GPR158: variants seen among roughly 807,000 people sequenced by gnomAD.
The protein encoded by GPR158 is G protein-coupled receptor 158.
Under a neutral mutation model 78.2 loss-of-function variants are expected in GPR158, and 30 were observed. That is an observed-to-expected ratio of 0.38 (90% CI 0.29 to 0.52). The LOEUF is 0.52. Among genes scored for constraint, GPR158 ranks in the 20% least tolerant of loss-of-function variants. The probability of loss-of-function intolerance (pLI) is 0.83; values close to 1 mark genes in which losing one functional copy is unlikely to be tolerated. For missense variants in GPR158, 1,463 were observed against 1,523.5 expected (o/e 0.96, Z 0.66); for synonymous variants, 581 against 591.1 (o/e 0.98, Z 0.25).
chr10:25,277,646 T>G (rs1370432778), intron 2 of GPR158, among the ~76,000 whole-genome samples: 4 of 152,168 alleles, frequency 2.6e-5, no homozygotes, highest in Non-Finnish European at 5.9e-5. Context: ...GTTTGTCATG[T>G]GAATTAATGG....
chr10:25,501,908 T>C (rs1835949381), intron 5 of GPR158, among the ~76,000 whole-genome samples: 1 of 152,130 alleles, frequency 6.6e-6, no homozygotes, highest in Non-Finnish European at 1.5e-5. Flanking sequence ...CTTTCTCATC[T>C]CCTCACACTG....
At chr10:25,576,080 G>A (rs1274488856) in intron 7 of GPR158, among the ~76,000 whole-genome samples, 1 of 151,610 alleles carries the variant, frequency 6.6e-6, no homozygotes, top group East Asian at 1.9e-4. Flanking sequence ...AGTAGCTTTT[G>A]GGGTACAGGT....
intron 1 of GPR158, among the ~76,000 whole-genome samples, chr10:25,200,874 T>TG (rs1240257327): frequency 2.7e-5 from 4 of 150,408 alleles, no homozygotes; most frequent in East Asian, 1.9e-4. Flanking sequence ...TTTTGTTTTT[T>TG]TTTTTTTTTT....
chr10:25,323,708 G>A (rs533872895), intron 2 of GPR158, among the ~76,000 whole-genome samples: 3 of 150,208 alleles, frequency 2.0e-5, no homozygotes, highest in South Asian at 4.2e-4. Flanking sequence ...TATAGAGACA[G>A]GTTCTTTCTA....
chr10:25,265,609 T>C (rs1004960761), intron 2 of GPR158, among the ~76,000 whole-genome samples: 1 of 152,190 alleles, frequency 6.6e-6, no homozygotes, highest in African/African-American at 2.4e-5. Context: ...CATTCTTCAT[T>C]GATCTATTAG....
intron 2 of GPR158, among the ~76,000 whole-genome samples, chr10:25,303,582 A>G (rs1468764181): frequency 6.6e-6 from 1 of 152,250 alleles, no homozygotes; most frequent in Non-Finnish European, 1.5e-5. Flanking sequence ...CAAACCGTTA[A>G]TAAGTTAATA....
At position 25,459,079 on chromosome 10, in the gene GPR158, G is replaced by A. The variant is rs181601347; in HGVS notation, c.1336-7572G>A. On this transcript the variant is annotated intron_variant, in intron 4 of 10. Transcript: ENST00000376351. ...TTATGTAATTGTTAATAAAATTATT[G>A]AAAGATAGTGTCCTCATACCTCTCA... 3.9e-3 allele frequency among the ~76,000 whole-genome samples: 600 copies of A among 152,090 alleles called. 1 individual carries two copies. The highest frequency in any genetic ancestry group is 5.9e-3 in the Non-Finnish European group (398 of 67,956).
intron 7 of GPR158, among the ~76,000 whole-genome samples, chr10:25,577,660 AT>A: frequency 6.6e-6 from 1 of 152,276 alleles, no homozygotes; most frequent in African/African-American, 2.4e-5. Flanking sequence ...CAGATAGATG[AT>A]TTTCCTAACA....
intron 7 of GPR158, among the ~76,000 whole-genome samples, chr10:25,576,399 G>C (rs918979366): frequency 6.6e-6 from 1 of 152,108 alleles, no homozygotes; most frequent in Non-Finnish European, 1.5e-5. Flanking sequence ...AACATAGACT[G>C]TTTTCATTGT....
chr10:25,387,371 G>T (rs1401916995), intron 2 of GPR158, among the ~76,000 whole-genome samples: 2 of 152,138 alleles, frequency 1.3e-5, no homozygotes, highest in Non-Finnish European at 2.9e-5. Context: ...TGAATTTCTG[G>T]TGAATTTGGT....
chr10:25,422,950 A>G (rs1034377618), intron 4 of GPR158, among the ~76,000 whole-genome samples: 10 of 149,474 alleles, frequency 6.7e-5, no homozygotes, highest in Non-Finnish European at 1.2e-4. Context: ...GAGAACATAC[A>G]ATGTTTGGTT....
rs781030971 is a variant in GPR158, at chr10:25,175,433, G to A, written c.13G>A (p.Ala5Thr). Reference protein sequence around the residue: MGAMAYPLLLCLLLA... With the variant: MGAMTYPLLLCLLLA... ...CTCTGGGAGGCAGATGGGAGCCATG[G>A]CTTACCCCTTACTCCTCTGCCTCCT... Residue 5 changes from alanine to threonine, a missense_variant, in exon 1 of 11, where the codon GCT becomes ACT. Physicochemically the swap from Ala to Thr is moderately conservative, Grantham distance 58. Transcript: ENST00000376351. This position sits in a 1 kb window ranked among gnomAD's most constrained non-coding sequence, Gnocchi z 6.4. 2.0e-5 allele frequency: 32 copies of A among 1,563,802 alleles called. No homozygotes were observed. The highest frequency in any genetic ancestry group is 2.6e-5 in the Non-Finnish European group (30 of 1,154,478).
chr10:25,597,774 C>T lies in GPR158; in HGVS notation c.2148C>T (p.Asp716=), dbSNP rs558378063. ...EHSLDPEDIR[D]ELKKLYAQLE... is the part of the protein sequence containing the mutation. ...TGAATTTGCTTTTGTTCTGGCAGGACGAGCTGAAAAAACTCTATGCCCAAC... is the reference window on the plus strand; with the variant it reads ...TGAATTTGCTTTTGTTCTGGCAGGATGAGCTGAAAAAACTCTATGCCCAAC... The change falls in exon 11 of 11, where the codon GAC becomes GAT. Residue 716 remains aspartate (D), a splice_region_variant and synonymous_variant. Transcript: ENST00000376351. 1.7e-5 allele frequency: 25 copies of T among 1,497,752 alleles called. No homozygotes were observed. Among genetic ancestry groups the T allele is most frequent in the African/African-American group, 4.2e-5 (3 of 71,482 alleles). 92.8% of individuals were successfully genotyped at this position (1,497,752 alleles called of 1,614,324 possible). A position where few individuals can be genotyped will look rare whatever the true frequency, so the allele number is the denominator to read the frequency against.
intron 1 of GPR158, among the ~76,000 whole-genome samples, chr10:25,183,676 A>G (rs1019182763): frequency 6.6e-6 from 1 of 152,196 alleles, no homozygotes; most frequent in Non-Finnish European, 1.5e-5. Flanking sequence ...ACAATGTAGG[A>G]TTTTTAAAAA....
chr10:25,565,778 G>A (rs748063999), intron 6 of GPR158, among the ~76,000 whole-genome samples: 15 of 152,140 alleles, frequency 9.9e-5, no homozygotes, highest in Non-Finnish European at 1.8e-4. Context: ...GCCTAGCCAC[G>A]CCAAAGAACT....
intron 4 of GPR158, among the ~76,000 whole-genome samples, chr10:25,450,274 CA>C (rs1835196469): frequency 6.6e-6 from 1 of 151,844 alleles, no homozygotes; most frequent in Non-Finnish European, 1.5e-5. Context: ...CCTAGTGAGC[CA>C]TGGGGGACCC....
At position 25,175,725 on chromosome 10, in the gene GPR158, G is replaced by A. The variant is rs1310189833; in HGVS notation, c.305G>A (p.Arg102His). 2.5e-6 allele frequency: 4 copies of A among 1,611,556 alleles called. No individual in the cohort carries two copies. The Admixed American group carries it at 5.0e-5, about 20-fold the overall frequency. ...HQLKRANCSG[R>H]YELAGLPGKW... ...CTGAAGCGAGCCAACTGCTCCGGCC[G>A]CTACGAGTTGGCGGGCCTGCCGGGG... The change falls in exon 1 of 11, where the codon CGC becomes CAC. Residue 102 changes from arginine (R) to histidine (H), a missense_variant. Transcript: ENST00000376351. This position sits in a 1 kb window ranked among gnomAD's most constrained non-coding sequence, Gnocchi z 6.4.
intron 2 of GPR158, among the ~76,000 whole-genome samples, chr10:25,309,953 TA>T (rs139860462): frequency 0.2 from 30,787 of 152,186 alleles, 5,253 homozygotes; most frequent in African/African-American, 0.47. Context: ...AACAGACTAA[TA>T]ATACCTTTGA....
chr10:25,378,199 G>A (rs1403534992), intron 2 of GPR158, among the ~76,000 whole-genome samples: 1 of 152,050 alleles, frequency 6.6e-6, no homozygotes, highest in Non-Finnish European at 1.5e-5. Flanking sequence ...AATGATACGA[G>A]CAAAATTCAA....
Sources: allele counts gnomAD v4.1 joint callset (sites outside exome capture counted in the v4.1 genomes callset), GRCh38; gene constraint gnomAD v4.1.1; non-coding constraint Gnocchi (gnomAD v3.1); transcripts MANE v1.5; gene names NCBI Gene and HGNC (gene_info 2026-07-23, HGNC 2026-07-21).